EPHB1: variants seen among roughly 807,000 people sequenced by gnomAD.
EPHB1 encodes the protein ephrin type-B receptor 1.
Under a neutral mutation model 94.4 loss-of-function variants are expected in EPHB1, and 30 were observed. The ratio of observed to expected loss-of-function variants is 0.32; its 90% CI spans 0.24 to 0.43. The LOEUF (loss-of-function observed/expected upper bound fraction) is 0.43. EPHB1 is among the 20% of genes least tolerant of loss of function. The pLI, the probability that EPHB1 is intolerant of heterozygous loss-of-function variation, is 1.00. For missense variants in EPHB1, 1,055 were observed against 1,308.3 expected, an observed-to-expected ratio of 0.81 and a Z score of 2.99; for synonymous variants, 522 against 489.1, an observed-to-expected ratio of 1.07 and a Z score of -0.89.
At chr3:134,923,424 A>T (rs773170476) in intron 1 of EPHB1, among the ~76,000 whole-genome samples, 2 of 152,126 alleles carry the variant, frequency 1.3e-5, no homozygotes, top group Non-Finnish European at 2.9e-5. Flanking sequence ...AACCCTGCTT[A>T]TATCCCATGC....
chr3:134,990,319 A>G lies in EPHB1; in HGVS notation c.805+38267A>G, dbSNP rs559150461. ...TGAAATTCAACAATTTCACCAGGCT[A>G]TGCCTTTGCCCCTGCTGATTCTTCC... On this transcript the variant is annotated intron_variant, in intron 3 of 15. Coordinates refer to ENST00000398015, the MANE Select transcript of EPHB1 (RefSeq NM_004441.5). Among the ~76,000 whole-genome samples the G allele has an allele frequency of 2.6e-5, 4 of 152,300 alleles. No individual in the cohort carries two copies. The East Asian group carries it at 7.7e-4, about 29-fold the overall frequency.
At chr3:134,798,343 G>A (rs1693141609) in intron 1 of EPHB1, among the ~76,000 whole-genome samples, 1 of 152,190 alleles carries the variant, frequency 6.6e-6, no homozygotes, top group Non-Finnish European at 1.5e-5. Flanking sequence ...TGGAAGGAGG[G>A]AGGACAGGGT....
intron 7 of EPHB1, 80 bp downstream of exon 7, chr3:135,162,260 G>A (rs2107698414): frequency 1.4e-6 from 2 of 1,413,776 alleles, no homozygotes; most frequent in Non-Finnish European, 9.4e-7. Flanking sequence ...TGCTGCACTA[G>A]CCAAAAATGC....
At chr3:134,922,334 T>G (rs1052809352) in intron 1 of EPHB1, among the ~76,000 whole-genome samples, 8 of 152,234 alleles carry the variant, frequency 5.3e-5, no homozygotes, top group African/African-American at 1.7e-4. Context: ...AGGAGCTCTC[T>G]GTGCCAGAAA....
intron 3 of EPHB1, among the ~76,000 whole-genome samples, chr3:135,041,523 A>G (rs1936843053): frequency 6.6e-6 from 1 of 152,194 alleles, no homozygotes; most frequent in Non-Finnish European, 1.5e-5. Flanking sequence ...CCCCTATGAA[A>G]ATGAAAAGGA....
intron 2 of EPHB1, among the ~76,000 whole-genome samples, chr3:134,936,568 C>T (rs796853074): frequency 7.9e-5 from 12 of 152,166 alleles, no homozygotes; most frequent in African/African-American, 2.2e-4. Flanking sequence ...TGGGGCTGAA[C>T]GCGCCCCCCC....
In EPHB1 at chr3:134,918,814, G is replaced by A. The variant is rs36195; in HGVS notation, c.59-7002G>A. On this transcript the variant is annotated intron_variant, in intron 1 of 15. Coordinates refer to ENST00000398015, the MANE Select transcript of EPHB1 (RefSeq NM_004441.5). ...ATGCAATGAATACCTTCATGATATA[G>A]GGCTTTTTGTTTACTTCTGAAATTA... Among the ~76,000 whole-genome samples, 336 of 152,288 alleles carry A rather than the reference G, an allele frequency of 2.2e-3. 1 individual carries two copies. Among genetic ancestry groups the A allele is most frequent in the African/African-American group, 7.8e-3 (325 of 41,574 alleles).
intron 1 of EPHB1, among the ~76,000 whole-genome samples, chr3:134,823,462 T>G (rs2036419616): frequency 6.6e-6 from 1 of 152,178 alleles, no homozygotes; most frequent in Admixed American, 6.5e-5. Flanking sequence ...CTGGGGGTCT[T>G]GGGGAAGGAA....
chr3:135,076,246 T>G (rs1248750086), intron 3 of EPHB1, among the ~76,000 whole-genome samples: 2 of 145,528 alleles, frequency 1.4e-5, no homozygotes, highest in Non-Finnish European at 3.0e-5. Flanking sequence ...TATATATATA[T>G]ATATATATAT....
intron 3 of EPHB1, among the ~76,000 whole-genome samples, chr3:135,046,172 A>G (rs1189448657): frequency 6.6e-6 from 1 of 152,204 alleles, no homozygotes; most frequent in African/African-American, 2.4e-5. Flanking sequence ...CTGTGTTAAT[A>G]TGTAATGAGT....
intron 1 of EPHB1, among the ~76,000 whole-genome samples, chr3:134,821,694 C>G (rs547371273): frequency 3.0e-4 from 46 of 152,308 alleles, no homozygotes; most frequent in Non-Finnish European, 5.4e-4. Flanking sequence ...AAGCCTGGCT[C>G]TGATGTTCAA....
At chr3:134,848,385 T>G (rs1307035054) in intron 1 of EPHB1, among the ~76,000 whole-genome samples, 1 of 152,228 alleles carries the variant, frequency 6.6e-6, no homozygotes, top group Non-Finnish European at 1.5e-5. Context: ...TTTATAGTGT[T>G]GTTAATTATC....
intron 1 of EPHB1, among the ~76,000 whole-genome samples, chr3:134,849,552 A>C (rs1008504339): frequency 6.6e-6 from 1 of 152,128 alleles, no homozygotes; most frequent in Admixed American, 6.5e-5. Flanking sequence ...GTTGAGATGG[A>C]GGTGGACTGG....
At chr3:134,971,461 T>C (rs971538452) in intron 3 of EPHB1, among the ~76,000 whole-genome samples, 4 of 152,208 alleles carry the variant, frequency 2.6e-5, no homozygotes, top group African/African-American at 9.6e-5. Flanking sequence ...ACAGTCTGGA[T>C]GGATGGGTGG....
intron 1 of EPHB1, among the ~76,000 whole-genome samples, chr3:134,880,658 CTG>C (rs2037713310): frequency 6.6e-6 from 1 of 152,260 alleles, no homozygotes; most frequent in Admixed American, 6.5e-5. Context: ...GCTCATACCA[CTG>C]CTCAGCCAAG....
chr3:134,824,125 C>CTTTTTTTT (rs373504139), intron 1 of EPHB1, among the ~76,000 whole-genome samples: 9 of 100,754 alleles, frequency 8.9e-5, no homozygotes, highest in Non-Finnish European at 1.8e-4. Flanking sequence ...GGATAATGCC[C>CTTTTTTTT]TTTTTTTTTT....
chr3:134,848,025 T>G (rs79483833), intron 1 of EPHB1, among the ~76,000 whole-genome samples: 1,892 of 152,280 alleles, frequency 0.012, 20 homozygotes, highest in South Asian at 0.037. Flanking sequence ...TTTGGGGGCA[T>G]TTTTGTATTT....
chr3:134,935,201 A>G (rs1170798876), intron 2 of EPHB1, among the ~76,000 whole-genome samples: 1 of 152,212 alleles, frequency 6.6e-6, no homozygotes, highest in Admixed American at 6.5e-5. Context: ...GCCTGAACTC[A>G]CAGCACTCCC....
At chr3:134,835,870 T>A (rs966986906) in intron 1 of EPHB1, among the ~76,000 whole-genome samples, 6 of 152,204 alleles carry the variant, frequency 3.9e-5, no homozygotes, top group Non-Finnish European at 8.8e-5. Flanking sequence ...GGCTCCTGTT[T>A]CCCTGCCCTG....
Sources: allele counts gnomAD v4.1 joint callset (sites outside exome capture counted in the v4.1 genomes callset), GRCh38; gene constraint gnomAD v4.1.1; transcripts MANE v1.5; gene names NCBI Gene and HGNC (gene_info 2026-07-23, HGNC 2026-07-21).